WWOX: variants seen among roughly 807,000 people sequenced by gnomAD.
WWOX encodes WW domain-containing oxidoreductase.
In WWOX, 69 loss-of-function variants were observed where a neutral mutation model predicts 46.2. The observed-to-expected ratio is 1.49, with a 90% CI of 1.23 to 1.82. The LOEUF is 1.82. Among genes scored for constraint, WWOX ranks in the 40% most tolerant of loss-of-function variants. The pLI is 0.00. For synonymous variants in WWOX, 359 were observed against 202.6 expected (o/e 1.77, Z -6.56); for missense variants, 919 against 542.6 (o/e 1.69, Z -6.89).
chr16:78,475,337 C>G (rs558553229), intron 8 of WWOX, among the ~76,000 whole-genome samples: 12 of 152,336 alleles, frequency 7.9e-5, no homozygotes, highest in Admixed American at 4.6e-4. Context: ...CCCAGATTGG[C>G]TGCATCAGCA....
intron 5 of WWOX, among the ~76,000 whole-genome samples, chr16:78,220,610 A>G (rs2036856896): frequency 1.3e-5 from 2 of 152,324 alleles, no homozygotes; most frequent in Non-Finnish European, 2.9e-5. Context: ...GCGAAAATTG[A>G]ACATTTTTAT....
intron 8 of WWOX, among the ~76,000 whole-genome samples, chr16:78,678,935 G>C (rs949073102): frequency 1.3e-5 from 2 of 152,146 alleles, no homozygotes; most frequent in African/African-American, 4.8e-5. Flanking sequence ...TTTGTTCAGA[G>C]TGGGCCTGGC....
At chr16:78,889,305 A>G (rs945315259) in intron 8 of WWOX, among the ~76,000 whole-genome samples, 3 of 151,594 alleles carry the variant, frequency 2.0e-5, no homozygotes, top group African/African-American at 4.8e-5. Context: ...TGCATAGTCA[A>G]ATGCTTTCTA....
At chr16:79,207,491 A>T (rs370457719) in intron 8 of WWOX, among the ~76,000 whole-genome samples, 1 of 152,314 alleles carries the variant, frequency 6.6e-6, no homozygotes, top group South Asian at 2.1e-4. Context: ...TCATAACTCT[A>T]CTTTTTGCAT....
chr16:78,809,185 T>C (rs1422195815), intron 8 of WWOX, among the ~76,000 whole-genome samples: 3 of 152,122 alleles, frequency 2.0e-5, no homozygotes, highest in South Asian at 2.1e-4. Flanking sequence ...TGCAAATGTT[T>C]CTCCTGGATG....
intron 8 of WWOX, among the ~76,000 whole-genome samples, chr16:78,936,831 C>A (rs1018131268): frequency 7.9e-5 from 12 of 152,144 alleles, no homozygotes; most frequent in African/African-American, 2.9e-4. Context: ...CGCTGTCAGG[C>A]TCACATAAAA....
intron 8 of WWOX, among the ~76,000 whole-genome samples, chr16:78,632,681 C>G (rs913693384): frequency 7.3e-5 from 11 of 150,862 alleles, no homozygotes; most frequent in African/African-American, 2.2e-4. Context: ...GCCTCAGCCT[C>G]TCGAATAGCT....
intron 8 of WWOX, among the ~76,000 whole-genome samples, chr16:79,192,058 C>T (rs535860937): frequency 2.0e-5 from 3 of 152,290 alleles, no homozygotes; most frequent in South Asian, 2.1e-4. Context: ...ATTTTCTTCT[C>T]CTCAAGATAA....
At chr16:78,392,797 C>T (rs1207511701) in intron 6 of WWOX, among the ~76,000 whole-genome samples, 1 of 152,132 alleles carries the variant, frequency 6.6e-6, no homozygotes, top group African/African-American at 2.4e-5. Flanking sequence ...ATTGCCAAAG[C>T]CAGTTTTCTT....
intron 5 of WWOX, among the ~76,000 whole-genome samples, chr16:78,225,557 T>C (rs1235492517): frequency 6.6e-6 from 1 of 152,230 alleles, no homozygotes; most frequent in Non-Finnish European, 1.5e-5. Context: ...CTCATATGTC[T>C]TACTGGTTGA....
Position 79,010,064 on chromosome 16 carries a change from A to G in WWOX, c.1057-201544A>G, listed in dbSNP as rs534105241. 1.1e-4 allele frequency among the ~76,000 whole-genome samples: 16 copies of G among 152,294 alleles called. No homozygotes were observed. The South Asian group carries it at 2.7e-3, about 26-fold the overall frequency. The stretch of plus-strand genomic sequence containing the variant: ...AATTGAGCAAGCTGCTATGCTTGCA[A>G]AGGCCTTGGCCAGCTGCTCACCCAC... On this transcript the variant is annotated intron_variant, in intron 8 of 8. Transcript: ENST00000566780.
chr16:79,138,283 A>G (rs1034453821), intron 8 of WWOX, among the ~76,000 whole-genome samples: 10 of 152,206 alleles, frequency 6.6e-5, no homozygotes, highest in Non-Finnish European at 1.3e-4. Context: ...AAAATGTGTA[A>G]TTCGTCATGA....
chr16:78,447,466 TTAGC>T (rs541045332), intron 8 of WWOX, among the ~76,000 whole-genome samples: 14 of 152,226 alleles, frequency 9.2e-5, no homozygotes, highest in Non-Finnish European at 1.6e-4. Context: ...CTTAGATCAC[TTAGC>T]TAGCAAGTGA....
At chr16:78,461,362 A>G (rs2083943274) in intron 8 of WWOX, among the ~76,000 whole-genome samples, 2 of 152,060 alleles carry the variant, frequency 1.3e-5, no homozygotes, top group Admixed American at 6.5e-5. Flanking sequence ...AAGGAAAGGG[A>G]GAAAAAACAA....
At chr16:78,914,384 G>T (rs1419127481) in intron 8 of WWOX, among the ~76,000 whole-genome samples, 1 of 152,078 alleles carries the variant, frequency 6.6e-6, no homozygotes, top group African/African-American at 2.4e-5. Context: ...AGAAATATTT[G>T]CAGGTGAGTG....
intron 8 of WWOX, among the ~76,000 whole-genome samples, chr16:78,627,780 G>A (rs1025228244): frequency 6.6e-6 from 1 of 152,224 alleles, no homozygotes; most frequent in Admixed American, 6.5e-5. Context: ...GACAAAAGGT[G>A]CAGAGTAGAG....
intron 8 of WWOX, among the ~76,000 whole-genome samples, chr16:78,742,582 A>G (rs954568263): frequency 6.6e-6 from 1 of 152,236 alleles, no homozygotes; most frequent in Non-Finnish European, 1.5e-5. Context: ...AGGAACGCAC[A>G]GCGATCCCCA....
chr16:78,885,416 T>A (rs1421057898), intron 8 of WWOX, among the ~76,000 whole-genome samples: 1 of 152,214 alleles, frequency 6.6e-6, no homozygotes, highest in Non-Finnish European at 1.5e-5. Context: ...TAATATTGAT[T>A]TGTTAGAAAA....
chr16:78,798,395 T>A (rs960976071), intron 8 of WWOX, among the ~76,000 whole-genome samples: 3 of 152,118 alleles, frequency 2.0e-5, no homozygotes, highest in African/African-American at 7.2e-5. Flanking sequence ...AAGGATGTCA[T>A]CGACAAATGA....
Sources: gnomAD v4.1 joint callset for allele counts (sites outside exome capture counted in the v4.1 genomes callset) on GRCh38, gnomAD v4.1.1 for gene constraint, MANE v1.5 for transcripts, NCBI Gene and HGNC (gene_info 2026-07-23, HGNC 2026-07-21) for gene names.